GLI3: variants seen among roughly 807,000 people sequenced by gnomAD.
GLI3 encodes transcription activator GLI3.
GLI3 carries 20 observed loss-of-function variants against 100.8 expected under a neutral mutation model. That is an observed-to-expected ratio of 0.20 (90% CI 0.14 to 0.29). The LOEUF (loss-of-function observed/expected upper bound fraction) is 0.29. GLI3 is among the 10% of genes least tolerant of loss of function. The probability of loss-of-function intolerance (pLI) is 1.00; values close to 1 mark genes in which losing one functional copy is unlikely to be tolerated. For missense variants in GLI3, 2,040 were observed against 2,128.5 expected (o/e 0.96, Z 0.82); for synonymous variants, 938 against 860.5 (o/e 1.09, Z -1.58).
intron 11 of GLI3, among the ~76,000 whole-genome samples, chr7:41,978,306 C>T (rs1321860620): frequency 1.3e-5 from 2 of 152,224 alleles, no homozygotes; most frequent in African/African-American, 4.8e-5. Flanking sequence ...TGGAAGCTGG[C>T]ACTTCCCTTT....
intron 2 of GLI3, among the ~76,000 whole-genome samples, chr7:42,209,817 T>C (rs901771761): frequency 1.7e-5 from 2 of 118,238 alleles, no homozygotes; most frequent in Non-Finnish European, 3.8e-5. Context: ...AGAGGTTCTC[T>C]CTCTTTTTTT....
At chr7:42,204,980 G>A (rs1788120438) in intron 2 of GLI3, among the ~76,000 whole-genome samples, 1 of 152,136 alleles carries the variant, frequency 6.6e-6, no homozygotes, top group South Asian at 2.1e-4. Context: ...AAAATTTGGA[G>A]AATAAACAAG....
At chr7:42,052,121 T>A (rs1157638910) in intron 4 of GLI3, among the ~76,000 whole-genome samples, 1 of 152,254 alleles carries the variant, frequency 6.6e-6, no homozygotes, top group African/African-American at 2.4e-5. Context: ...AATATGCATT[T>A]AAGTTTCCTC....
intron 3 of GLI3, chr7:42,145,511 C>CA: frequency 2.5e-6 from 1 of 398,168 alleles, no homozygotes. Flanking sequence ...CCACAGTGCA[C>CA]AGCTCTAACG....
In GLI3 at chr7:42,105,184, C is replaced by T. The variant is rs138046328; in HGVS notation, c.368-28327G>A. Among the ~76,000 whole-genome samples the T allele has an allele frequency of 5.6e-3, 846 of 152,250 alleles. 9 individuals are homozygous for T. The highest frequency in any genetic ancestry group is 0.019 in the African/African-American group (808 of 41,532). Reference sequence around the variant, plus strand: ...TTCTAACTCCTGGTCTGACATGTGCCTGCTACTGTGTGCCCTGAATTCAAG... The same window carrying T: ...TTCTAACTCCTGGTCTGACATGTGCTTGCTACTGTGTGCCCTGAATTCAAG... On this transcript the variant is annotated intron_variant, in intron 3 of 14. Coordinates refer to ENST00000395925, the MANE Select transcript of GLI3 (RefSeq NM_000168.6).
chr7:42,132,843 G>A (rs185875004), intron 3 of GLI3, among the ~76,000 whole-genome samples: 1 of 151,976 alleles, frequency 6.6e-6, no homozygotes, highest in Admixed American at 6.5e-5. Flanking sequence ...ATTTAGCAGA[G>A]CATCATCTTA....
intron 2 of GLI3, chr7:42,222,829 T>A: frequency 2.7e-6 from 1 of 373,636 alleles, no homozygotes. Context: ...CATTTTGAAC[T>A]CTTGCCAGAC....
rs766376553 is a variant in GLI3 at position 42,048,652 on chromosome 7, A to G, written c.518T>C (p.Phe173Ser). ...GTTCCGGTGTGGGGAGATCCTAATGAAGGGCAGGTCCGGATACGTAGGGCT... is the reference window on the plus strand; with the variant it reads ...GTTCCGGTGTGGGGAGATCCTAATGGAGGGCAGGTCCGGATACGTAGGGCT... ...SSSPTYPDLP[F>S]IRISPHRNPT... The change falls in exon 5 of 15, where the codon TTC (phenylalanine) becomes TCC (serine). Residue 173 changes from phenylalanine to serine, a missense_variant. Phe to Ser is a radical substitution (Grantham distance 155, BLOSUM62 -2). Transcript: ENST00000395925. The G allele has an allele frequency of 6.2e-7, 1 of 1,610,722 alleles. No homozygotes were observed. Among genetic ancestry groups the G allele is most frequent in the Non-Finnish European group, 8.5e-7 (1 of 1,179,380 alleles).
At chr7:42,084,905 T>TC (rs1785070995) in intron 3 of GLI3, among the ~76,000 whole-genome samples, 1 of 128,642 alleles carries the variant, frequency 7.8e-6, no homozygotes, top group Admixed American at 7.7e-5. Flanking sequence ...TGGATTCTTT[T>TC]TTTTTTTTTT....
At chr7:42,056,979 T>C (rs999445535) in intron 4 of GLI3, among the ~76,000 whole-genome samples, 5 of 92,076 alleles carry the variant, frequency 5.4e-5, no homozygotes, top group Admixed American at 2.9e-4. Context: ...CGAAACTCCG[T>C]CTCAAAAAAA....
At position 41,966,207 on chromosome 7, in the gene GLI3, G is replaced by A. The variant is rs1787174904; in HGVS notation, c.2866C>T (p.Arg956Cys). The A allele has an allele frequency of 6.2e-7, 1 of 1,607,350 alleles. No homozygotes were observed. The highest frequency in any genetic ancestry group is 1.1e-5 in the South Asian group (1 of 90,766). The change falls in exon 15 of 15, where the codon CGC becomes TGC. Residue 956 changes from arginine to cysteine, a missense_variant. By Grantham distance (180) the Arg-to-Cys change is radical. Coordinates refer to ENST00000395925, the MANE Select transcript of GLI3 (RefSeq NM_000168.6). The surrounding 1 kb of genome is among the most constrained non-coding windows in gnomAD (Gnocchi z 5.8). ...AGGGCATCCCCGAGCAGCGCCAGGC[G>A]CGTCTTCAGGCTCATCCTCTCCATG... is the stretch of plus-strand genomic sequence containing the variant. ...PNMERMSLKT[R>C]LALLGDALEP...
chr7:42,069,724 A>G (rs1784748664), intron 4 of GLI3, among the ~76,000 whole-genome samples: 1 of 152,196 alleles, frequency 6.6e-6, no homozygotes, highest in South Asian at 2.1e-4. Context: ...TTTATCTTTC[A>G]GGCATTCCAG....
chr7:42,152,520 G>T, intron 2 of GLI3: 1 of 640,386 alleles, frequency 1.6e-6, no homozygotes, highest in Non-Finnish European at 1.9e-6. Flanking sequence ...AGTGGTTGGA[G>T]CCATGCTAAA....
intron 4 of GLI3, among the ~76,000 whole-genome samples, chr7:42,050,216 C>G (rs549485101): frequency 2.6e-5 from 4 of 152,020 alleles, no homozygotes; most frequent in Non-Finnish European, 5.9e-5. Flanking sequence ...TACTTAGATG[C>G]TACTTTGGGA....
At chr7:41,967,354 T>C (rs993169477) in intron 14 of GLI3, among the ~76,000 whole-genome samples, 4 of 152,196 alleles carry the variant, frequency 2.6e-5, no homozygotes, top group African/African-American at 4.8e-5. Flanking sequence ...ACAGTTATGA[T>C]TTCACCATCA....
chr7:42,110,928 AACG>A (rs889037607), intron 3 of GLI3, among the ~76,000 whole-genome samples: 6 of 152,126 alleles, frequency 3.9e-5, no homozygotes, highest in African/African-American at 1.4e-4. Flanking sequence ...GTGGTTTGAG[AACG>A]ACAAGAGTCC....
chr7:42,225,686 T>C (rs1322179459), intron 1 of GLI3, among the ~76,000 whole-genome samples: 2 of 152,260 alleles, frequency 1.3e-5, no homozygotes, highest in Non-Finnish European at 2.9e-5. Context: ...TGCTCACTGC[T>C]GTATACCCAG....
At chr7:42,154,457 C>A (rs1396897413) in intron 2 of GLI3, among the ~76,000 whole-genome samples, 1 of 152,242 alleles carries the variant, frequency 6.6e-6, no homozygotes, top group African/African-American at 2.4e-5. Flanking sequence ...CCTTTCCTCC[C>A]AGGAAATTGC....
chr7:41,987,958 CG>C (rs934578721), intron 10 of GLI3, among the ~76,000 whole-genome samples: 1 of 152,164 alleles, frequency 6.6e-6, no homozygotes, highest in African/African-American at 2.4e-5. Flanking sequence ...TTAATATTAA[CG>C]TGACCTAAAA....
Sources: gnomAD v4.1 joint callset for allele counts (sites outside exome capture counted in the v4.1 genomes callset) on GRCh38, gnomAD v4.1.1 for gene constraint, Gnocchi (gnomAD v3.1) non-coding constraint, MANE v1.5 for transcripts, NCBI Gene and HGNC (gene_info 2026-07-23, HGNC 2026-07-21) for gene names.